Variants in ZFHX4 observed in about 807,000 individuals in gnomAD.
The protein encoded by ZFHX4 is zinc finger homeobox 4.
Under a neutral mutation model 267.6 loss-of-function variants are expected in ZFHX4, and 56 were observed. The ratio of observed to expected loss-of-function variants is 0.21; its 90% CI spans 0.17 to 0.26. ZFHX4 has a LOEUF of 0.26. Among genes scored for constraint, ZFHX4 ranks in the 10% least tolerant of loss-of-function variants. The probability of loss-of-function intolerance (pLI) is 1.00; values close to 1 mark genes in which losing one functional copy is unlikely to be tolerated. For missense variants in ZFHX4, 4,332 were observed against 4,420.0 expected (o/e 0.98, Z 0.56); for synonymous variants, 1,778 against 1,665.6 (o/e 1.07, Z -1.64).
At chr8:76,823,025 CT>C (rs1187095975) in intron 4 of ZFHX4, among the ~76,000 whole-genome samples, 4 of 151,948 alleles carry the variant, frequency 2.6e-5, no homozygotes, top group Non-Finnish European at 4.4e-5. Flanking sequence ...TAATCTTGGA[CT>C]TTTTAACATT....
intron 4 of ZFHX4, among the ~76,000 whole-genome samples, chr8:76,787,590 C>T (rs1392144553): frequency 6.9e-6 from 1 of 144,610 alleles, no homozygotes; most frequent in Non-Finnish European, 1.5e-5. Context: ...ATCACGAGGT[C>T]AGGAGATTGA....
At chr8:76,690,558 A>G (rs552926339) in intron 1 of ZFHX4, among the ~76,000 whole-genome samples, 1 of 152,200 alleles carries the variant, frequency 6.6e-6, no homozygotes, top group African/African-American at 2.4e-5. Context: ...AGTGCTTAGT[A>G]GTTTTTAAAA....
rs775410431 is a variant in ZFHX4, at chr8:76,852,115, T to C, written c.5194T>C (p.Phe1732Leu). ...TATGACCCCAGAAGCACTGCTGCAG[T>C]TTCAGCAGCCTCAGTTTCTCTTTCC... ...FPMTPEALLQ[F>L]QQPQFLFPFY... is the part of the protein sequence containing the mutation. Residue 1732 changes from phenylalanine (F) to leucine (L), a missense_variant, in exon 10 of 11, where the codon TTT becomes CTT. By Grantham distance (22) the Phe-to-Leu change is conservative. Coordinates refer to ENST00000651372, the MANE Select transcript of ZFHX4 (RefSeq NM_024721.5). 1.2e-6 allele frequency: 2 copies of C among 1,613,896 alleles called. No individual in the cohort carries two copies. The highest frequency in any genetic ancestry group is 3.3e-5 in the Admixed American group (2 of 60,016).
At chr8:76,777,015 T>A (rs2131768101) in intron 3 of ZFHX4, among the ~76,000 whole-genome samples, 1 of 152,286 alleles carries the variant, frequency 6.6e-6, no homozygotes, top group South Asian at 2.1e-4. Context: ...ATGCTAACCC[T>A]TATTCAACTA....
intron 10 of ZFHX4, among the ~76,000 whole-genome samples, chr8:76,859,589 A>G (rs1812815989): frequency 6.6e-6 from 1 of 152,104 alleles, no homozygotes; most frequent in Non-Finnish European, 1.5e-5. Flanking sequence ...GCAGTGTCTG[A>G]TTTTAAATGT....
At chr8:76,740,496 A>G (rs566239027) in intron 3 of ZFHX4, among the ~76,000 whole-genome samples, 106 of 144,666 alleles carry the variant, frequency 7.3e-4, no homozygotes, top group Admixed American at 1.6e-3. Flanking sequence ...CCTACTGGGG[A>G]AAAAAAAAAG....
At chr8:76,797,955 A>G (rs1811024730) in intron 4 of ZFHX4, among the ~76,000 whole-genome samples, 1 of 151,288 alleles carries the variant, frequency 6.6e-6, no homozygotes, top group Non-Finnish European at 1.5e-5. Flanking sequence ...TATTTAGCAG[A>G]TGTTTCCATA....
chr8:76,837,294 A>C (rs1455270077), intron 5 of ZFHX4, among the ~76,000 whole-genome samples: 1 of 152,130 alleles, frequency 6.6e-6, no homozygotes, highest in Non-Finnish European at 1.5e-5. Flanking sequence ...ATAAAATCCA[A>C]AGAGAGGCAC....
At chr8:76,800,268 T>C (rs572039877) in intron 4 of ZFHX4, among the ~76,000 whole-genome samples, 17 of 152,236 alleles carry the variant, frequency 1.1e-4, no homozygotes, top group African/African-American at 3.4e-4. Context: ...ATAAACGCCC[T>C]GTTTGATAAG....
chr8:76,861,822 T>C (rs1051177468), intron 10 of ZFHX4, among the ~76,000 whole-genome samples: 2 of 152,040 alleles, frequency 1.3e-5, no homozygotes, highest in Non-Finnish European at 2.9e-5. Context: ...CTATGACCAA[T>C]ATTAACAAGA....
intron 4 of ZFHX4, among the ~76,000 whole-genome samples, chr8:76,790,445 A>G (rs1351373330): frequency 6.6e-6 from 1 of 152,114 alleles, no homozygotes; most frequent in African/African-American, 2.4e-5. Flanking sequence ...ATTATTACTA[A>G]AAGTGCTATT....
At chr8:76,771,816 T>C (rs1030029519) in intron 3 of ZFHX4, among the ~76,000 whole-genome samples, 1 of 152,066 alleles carries the variant, frequency 6.6e-6, no homozygotes, top group Non-Finnish European at 1.5e-5. Context: ...GAGATGTTGA[T>C]AGATTGGGAA....
chr8:76,862,933 T>G (rs1213242894), intron 10 of ZFHX4, among the ~76,000 whole-genome samples, 161 bp from the exon 11 acceptor site: 1 of 152,174 alleles, frequency 6.6e-6, no homozygotes, highest in African/African-American at 2.4e-5. Flanking sequence ...GAAAGCCCCA[T>G]GTTGAAGTTC....
intron 4 of ZFHX4, among the ~76,000 whole-genome samples, chr8:76,812,201 C>G (rs755388024): frequency 6.6e-6 from 1 of 152,086 alleles, no homozygotes; most frequent in Non-Finnish European, 1.5e-5. Context: ...TAAAACTTTT[C>G]GTTGATTTAC....
intron 4 of ZFHX4, among the ~76,000 whole-genome samples, chr8:76,827,794 A>G (rs1236311039): frequency 6.6e-6 from 1 of 152,204 alleles, no homozygotes; most frequent in South Asian, 2.1e-4. Context: ...CCCTTACTAT[A>G]TAAAAATAAC....
At chr8:76,844,283 C>T (rs561895338) in intron 6 of ZFHX4, among the ~76,000 whole-genome samples, 6 of 152,122 alleles carry the variant, frequency 3.9e-5, no homozygotes, top group Non-Finnish European at 4.4e-5. Flanking sequence ...GCATCTTTCA[C>T]ATAGTAGTAC....
chr8:76,799,491 G>T (rs762471015), intron 4 of ZFHX4, among the ~76,000 whole-genome samples: 20 of 152,146 alleles, frequency 1.3e-4, no homozygotes, highest in Non-Finnish European at 2.9e-4. Context: ...CCAGGTGGGA[G>T]AATCAGACCT....
chr8:76,769,767 G>A (rs1420534124), intron 3 of ZFHX4, among the ~76,000 whole-genome samples: 5 of 152,090 alleles, frequency 3.3e-5, no homozygotes, highest in African/African-American at 1.2e-4. Context: ...GTCTACTGAC[G>A]ATAAGTGCAT....
At chr8:76,826,147 C>T (rs1045318055) in intron 4 of ZFHX4, among the ~76,000 whole-genome samples, 1 of 152,144 alleles carries the variant, frequency 6.6e-6, no homozygotes, top group African/African-American at 2.4e-5. Context: ...AAAGCAGGCA[C>T]ATCACATGGC....
Sources: allele counts gnomAD v4.1 joint callset (sites outside exome capture counted in the v4.1 genomes callset), GRCh38; gene constraint gnomAD v4.1.1; transcripts MANE v1.5; gene names NCBI Gene and HGNC (gene_info 2026-07-23, HGNC 2026-07-21).